The following ERCC6 variants were observed in gnomAD, a reference collection of about 807,000 sequenced individuals.
ERCC6 encodes DNA excision repair protein ERCC-6.
Under a neutral mutation model 158.7 loss-of-function variants are expected in ERCC6, and 116 were observed. That is an observed-to-expected ratio of 0.73 (90% confidence interval 0.63 to 0.85). The LOEUF is 0.85. Among genes scored for constraint, ERCC6 ranks in the 40% least tolerant of loss-of-function variants. ERCC6 has a pLI of 0.00. For synonymous variants in ERCC6, 678 were observed against 659.3 expected (o/e 1.03, Z -0.43); for missense variants, 1,698 against 1,799.4 (o/e 0.94, Z 1.02).
chr10:49,498,329 C>A (rs1851300126), intron 7 of ERCC6, among the ~76,000 whole-genome samples: 1 of 152,184 alleles, frequency 6.6e-6, no homozygotes, highest in Non-Finnish European at 1.5e-5. Flanking sequence ...AGGAAATATA[C>A]ATAGCCAATG....
At chr10:49,492,854 C>A (rs1851199188) in intron 8 of ERCC6, among the ~76,000 whole-genome samples, 1 of 152,182 alleles carries the variant, frequency 6.6e-6, no homozygotes, top group Non-Finnish European at 1.5e-5. Context: ...AGGCTTGTGC[C>A]CTGTCTGAGA....
chr10:49,515,648 G>C lies in ERCC6; in HGVS notation c.1397+8385C>G, dbSNP rs1197510974. 27 of 1,614,060 alleles carry C rather than the reference G, an allele frequency of 1.7e-5. No individual in the cohort carries two copies. The highest frequency in any genetic ancestry group is 2.3e-5 in the Non-Finnish European group (27 of 1,180,018). On this transcript the variant is annotated intron_variant, in intron 5 of 20. Coordinates refer to ENST00000355832, the MANE Select transcript of ERCC6 (RefSeq NM_000124.4). ...CATTTTGTAAGACCAGTTCGAAACA[G>C]AACAAAAGAGGGCTTGAATACCATT...
chr10:49,448,284 A>G, the ERCC6 span, among the ~76,000 whole-genome samples: 1 of 152,270 alleles, frequency 6.6e-6, no homozygotes, highest in East Asian at 1.9e-4. Flanking sequence ...CTTTCCCTAA[A>G]GACTAATGAT....
At chr10:49,451,453 C>T (rs550194321), downstream of ERCC6, among the ~76,000 whole-genome samples, 15 of 152,200 alleles carry the variant, frequency 9.9e-5, no homozygotes, top group Admixed American at 5.9e-4. Flanking sequence ...AGGTAGTTTC[C>T]TTCCGTTCCT....
Position 49,458,691 on chromosome 10 carries a change from ACAT to A in ERCC6, c.*121_*123del, listed in dbSNP as rs1347380743. 10 of 916,604 alleles carry A rather than the reference ACAT, an allele frequency of 1.1e-5. No individual in the cohort carries two copies. Among genetic ancestry groups the A allele is most frequent in the Admixed American group, 2.0e-5 (1 of 51,078 alleles). 56.8% of individuals were successfully genotyped at this position (916,604 alleles called of 1,614,324 possible). On this transcript the variant is annotated 3_prime_UTR_variant, in exon 21 of 21. Transcript: ENST00000355832. ...CCTTAAAGTTTTAATTCTGAGGTAG[ACAT>A]CATGCAAACAAACATCAAGTGCAGC...
chr10:49,496,220 G>A (rs550407599), intron 7 of ERCC6, among the ~76,000 whole-genome samples: 5 of 152,182 alleles, frequency 3.3e-5, no homozygotes, highest in South Asian at 4.1e-4. Context: ...ACAAGTTAAC[G>A]ACTCTTCCTT....
At chr10:49,484,341 G>A (rs146001450) in intron 8 of ERCC6, among the ~76,000 whole-genome samples, 82 of 150,942 alleles carry the variant, frequency 5.4e-4, no homozygotes, top group South Asian at 1.3e-3. Flanking sequence ...AAATGGAGCC[G>A]AGATTTGAAT....
chr10:49,513,170 C>T (rs181877945), intron 5 of ERCC6, among the ~76,000 whole-genome samples: 1 of 152,128 alleles, frequency 6.6e-6, no homozygotes, highest in Non-Finnish European at 1.5e-5. Context: ...CTGCTGTGAT[C>T]CCCATCTTAC....
intron 10 of ERCC6, among the ~76,000 whole-genome samples, chr10:49,482,127 T>C (rs1483797957): frequency 6.6e-6 from 1 of 152,196 alleles, no homozygotes; most frequent in Non-Finnish European, 1.5e-5. Context: ...CACTGCGCCC[T>C]GCCACATATG....
chr10:49,436,135 G>C, the ERCC6 span, among the ~76,000 whole-genome samples: 1 of 151,940 alleles, frequency 6.6e-6, no homozygotes, highest in East Asian at 1.9e-4. Context: ...ATGATGATGA[G>C]CATATTCATT....
rs1472790761 is a variant in ERCC6 at position 49,499,754 on chromosome 10, T to C, written c.1685+784A>G. ...GTGCTCATAGTACTTTCTTTCAAAA[T>C]AAAGTATTTCAGTCCTACCATATCA... On this transcript the variant is annotated intron_variant, in intron 7 of 20. Coordinates refer to ENST00000355832, the MANE Select transcript of ERCC6 (RefSeq NM_000124.4). 2.6e-5 allele frequency among the ~76,000 whole-genome samples: 4 copies of C among 152,216 alleles called. No homozygotes were observed. In the East Asian group the frequency reaches 7.7e-4, roughly 29 times the overall value.
chr10:49,513,075 G>C (rs1487180377), intron 5 of ERCC6, among the ~76,000 whole-genome samples: 1 of 152,020 alleles, frequency 6.6e-6, no homozygotes, highest in Non-Finnish European at 1.5e-5. Context: ...TTAGCTAGTG[G>C]GCATGTAACA....
In ERCC6 at chr10:49,470,220, T is replaced by C; in HGVS notation, c.3740A>G (p.Asn1247Ser). The C allele has an allele frequency of 6.2e-7, 1 of 1,614,204 alleles. No homozygotes were observed. Among genetic ancestry groups the C allele is most frequent in the Non-Finnish European group, 8.5e-7 (1 of 1,180,034 alleles). The change falls in exon 18 of 21, where the codon AAT becomes AGT. Residue 1247 changes from asparagine to serine, a missense_variant. By Grantham distance (46) the Asn-to-Ser change is conservative. Coordinates refer to ENST00000355832, the MANE Select transcript of ERCC6 (RefSeq NM_000124.4). The stretch of plus-strand genomic sequence containing the variant: ...AAGCTTTTCCAAAACATAATCGTCA[T>C]TGCTCTGTTCCTTGGCCTCACTCTT... ...ENKSEAKEQS[N>S]DDYVLEKLFK...
rs1850495140 is a variant in ERCC6, at chr10:49,457,048, C to G, written c.*1767G>C. ...GTTTCAGACACTATAAGTATGATAC[C>G]CAAATGCTTCATGAGTGAACAAGGT... On this transcript the variant is annotated 3_prime_UTR_variant, in exon 21 of 21. Transcript: ENST00000355832. The G allele has an allele frequency of 6.6e-6, 1 of 152,032 alleles. No individual in the cohort carries two copies. The highest frequency in any genetic ancestry group is 1.5e-5 in the Non-Finnish European group (1 of 68,022). The allele number at this position is 152,032 out of a possible 1,614,324, so 9.4% of individuals were successfully genotyped here.
intron 14 of ERCC6, among the ~76,000 whole-genome samples, 162 bp downstream of exon 14, chr10:49,473,315 C>G (rs1850814536): frequency 6.6e-6 from 1 of 152,162 alleles, no homozygotes. Flanking sequence ...CCCAAATATC[C>G]AGAAGTAGGG....
chr10:49,511,723 C>T (rs1836821960), intron 5 of ERCC6, among the ~76,000 whole-genome samples: 2 of 152,172 alleles, frequency 1.3e-5, no homozygotes, highest in Non-Finnish European at 2.9e-5. Context: ...CCATTCCCGA[C>T]CCATCAGGGC....
At chr10:49,516,944 C>T in intron 5 of ERCC6, 8 of 1,614,076 alleles carry the variant, frequency 5.0e-6, no homozygotes, top group Non-Finnish European at 6.8e-6. Flanking sequence ...CTGTGTGCAA[C>T]AAAGAACCTG....
At chr10:49,533,392 C>T (rs1038091855) in intron 1 of ERCC6, among the ~76,000 whole-genome samples, 1 of 152,140 alleles carries the variant, frequency 6.6e-6, no homozygotes, top group Non-Finnish European at 1.5e-5. Context: ...ATAGGAACAG[C>T]GATGTTAGGA....
intron 10 of ERCC6, among the ~76,000 whole-genome samples, chr10:49,481,188 A>G (rs1452604929): frequency 1.3e-5 from 2 of 152,200 alleles, no homozygotes; most frequent in East Asian, 3.9e-4. Context: ...GAGGGAGGGG[A>G]GGAATGGTAA....
Sources: allele counts gnomAD v4.1 joint callset (sites outside exome capture counted in the v4.1 genomes callset), GRCh38; gene constraint gnomAD v4.1.1; transcripts MANE v1.5; gene names NCBI Gene and HGNC (gene_info 2026-07-23, HGNC 2026-07-21).